Variants in INTS15 observed in about 807,000 individuals in gnomAD.
INTS15 encodes the protein integrator complex subunit 15.
At chr7:6,598,735 T>TTGTG in the INTS15 span, among the ~76,000 whole-genome samples, 14,445 of 83,376 alleles carry the variant, frequency 0.17, 1,849 homozygotes, top group Non-Finnish European at 0.21. Flanking sequence ...GCTGTATGCT[T>TTGTG]TGTGTGTGTG....
At chr7:6,600,322 G>A in the INTS15 span, 251,530 of 1,613,476 alleles carry the variant, frequency 0.16, 21,515 homozygotes, top group Middle Eastern at 0.18. Flanking sequence ...CTCTGCAGGT[G>A]GCCATGGCCT....
At chr7:6,590,373 C>T in the INTS15 span, 3 of 1,607,372 alleles carry the variant, frequency 1.9e-6, no homozygotes, top group Non-Finnish European at 2.5e-6. Flanking sequence ...ACTTCAGCAG[C>T]CAGCTGCAGA....
At chr7:6,601,252 C>A in the INTS15 span, among the ~76,000 whole-genome samples, 3 of 151,792 alleles carry the variant, frequency 2.0e-5, no homozygotes, top group African/African-American at 7.3e-5. Flanking sequence ...GATTACCACT[C>A]TGCCTGTCCT....
the INTS15 span, among the ~76,000 whole-genome samples, chr7:6,603,056 C>G: frequency 1.3e-5 from 2 of 151,854 alleles, no homozygotes; most frequent in South Asian, 4.2e-4. Flanking sequence ...TCGAGACCAG[C>G]TTGGTCAACA....
the INTS15 span, chr7:6,590,194 G>A: frequency 1.2e-5 from 14 of 1,211,560 alleles, no homozygotes; most frequent in South Asian, 2.0e-4. Flanking sequence ...GGCCCGGGTC[G>A]CGCCTCTTTG....
chr7:6,608,107 T>C, the INTS15 span: 1,307,722 of 1,534,266 alleles, frequency 0.85, 555,558 homozygotes, highest in African/African-American at 0.96. Flanking sequence ...TGCCCACGCA[T>C]CCCGGCCACA....
chr7:6,591,876 C>T, the INTS15 span: 4 of 1,608,884 alleles, frequency 2.5e-6, no homozygotes, highest in African/African-American at 4.0e-5. Context: ...AGGTACTGCT[C>T]AAGAGAGACC....
chr7:6,607,423 C>T, the INTS15 span: 1 of 592,080 alleles, frequency 1.7e-6, no homozygotes, highest in East Asian at 8.3e-5. This position sits in a 1 kb window ranked among gnomAD's most constrained non-coding sequence, Gnocchi z 6.0. Context: ...GCATCTGAAG[C>T]TGAGGCTGCG....
At chr7:6,607,993 G>A in the INTS15 span, 81 of 1,600,144 alleles carry the variant, frequency 5.1e-5, no homozygotes, top group Non-Finnish European at 6.4e-5. The surrounding 1 kb of genome is among the most constrained non-coding windows in gnomAD (Gnocchi z 6.0). Flanking sequence ...GTCCCGTGCA[G>A]CAGTCGCCTC....
At chr7:6,608,459 C>G in the INTS15 span, 1 of 1,272,162 alleles carries the variant, frequency 7.9e-7, no homozygotes, top group South Asian at 1.7e-5. Context: ...GCCTGTGTGG[C>G]GAGGAGTGTG....
At chr7:6,597,591 G>A in the INTS15 span, among the ~76,000 whole-genome samples, 2 of 152,140 alleles carry the variant, frequency 1.3e-5, no homozygotes, top group Non-Finnish European at 2.9e-5. Flanking sequence ...CACCACACCC[G>A]ACCTACCTTT....
the INTS15 span, chr7:6,600,481 CAG>C: frequency 2.0e-3 from 2,064 of 1,044,888 alleles, 2 homozygotes; most frequent in Non-Finnish European, 2.5e-3. Flanking sequence ...CTAGTGAACA[CAG>C]GGGAGGAAGG....
the INTS15 span, chr7:6,608,026 C>T: frequency 2.5e-6 from 4 of 1,600,414 alleles, no homozygotes; most frequent in Non-Finnish European, 2.5e-6. Context: ...CCCCGGGGTT[C>T]TACCCCCACA....
the INTS15 span, among the ~76,000 whole-genome samples, chr7:6,591,425 C>CT: frequency 6.7e-6 from 1 of 149,308 alleles, no homozygotes; most frequent in Admixed American, 6.7e-5. Flanking sequence ...CGCCACCATG[C>CT]CGGCTAATTG....
chr7:6,599,706 G>A, the INTS15 span: 58 of 902,160 alleles, frequency 6.4e-5, no homozygotes, highest in Non-Finnish European at 9.8e-5. Flanking sequence ...TAAGCCAGGA[G>A]GCGTGATCCA....
chr7:6,602,188 T>TGGAG, the INTS15 span: 2 of 1,550,904 alleles, frequency 1.3e-6, no homozygotes, highest in Non-Finnish European at 1.8e-6. Context: ...TGGAGCAGGG[T>TGGAG]GGAGGGAGGC....
At chr7:6,608,269 T>G in the INTS15 span, 14 of 1,473,112 alleles carry the variant, frequency 9.5e-6, no homozygotes, top group South Asian at 1.7e-4. Flanking sequence ...GGGCAGCCCC[T>G]CCCCGCCGGC....
At chr7:6,592,737 T>G in the INTS15 span, among the ~76,000 whole-genome samples, 1 of 151,518 alleles carries the variant, frequency 6.6e-6, no homozygotes, top group Non-Finnish European at 1.5e-5. Flanking sequence ...GCCCTCCAAG[T>G]AGCTGGGACC....
chr7:6,596,049 T>G, the INTS15 span, among the ~76,000 whole-genome samples: 1 of 37,054 alleles, frequency 2.7e-5, no homozygotes, highest in Non-Finnish European at 5.8e-5. Flanking sequence ...TTTTGAGCCT[T>G]CTTTTTTTTT....
Sources: allele counts gnomAD v4.1 joint callset (sites outside exome capture counted in the v4.1 genomes callset), GRCh38; gene constraint gnomAD v4.1.1; non-coding constraint Gnocchi (gnomAD v3.1); transcripts MANE v1.5; gene names NCBI Gene and HGNC (gene_info 2026-07-23, HGNC 2026-07-21).